The following CBL variants were observed in gnomAD, a reference collection of about 807,000 sequenced individuals.
CBL encodes the protein Cbl proto-oncogene, also known as E3 ubiquitin-protein ligase CBL.
In CBL, 45 loss-of-function variants were observed where a neutral mutation model predicts 96.9. That is an observed-to-expected ratio of 0.46 (90% confidence interval 0.37 to 0.60). CBL has a LOEUF of 0.60. CBL is among the 20% of genes least tolerant of loss of function. CBL has a pLI of 0.00. For missense variants in CBL, 1,024 were observed against 1,143.5 expected, an observed-to-expected ratio of 0.90 and a Z score of 1.51; for synonymous variants, 420 against 426.8, an observed-to-expected ratio of 0.98 and a Z score of 0.20.
In CBL at chr11:119,285,029, C is replaced by G; in HGVS notation, c.1492C>G (p.Pro498Ala). ...APQASLPPVP[P>A]RLDLLPQRVC... is the part of the protein sequence containing the mutation. ...ACAAGCTTCCCTTCCCCCGGTGCCA[C>G]CACGACTTGACCTTCTGCCGCAGCG... is the stretch of plus-strand genomic sequence containing the variant. The change falls in exon 10 of 16, where the codon CCA (proline) becomes GCA (alanine). Residue 498 changes from proline (P) to alanine (A), a missense_variant. By Grantham distance (27) the Pro-to-Ala change is conservative (BLOSUM62 -1). Around this residue, in one of 4 missense-constraint regions of CBL, gnomAD observed 695 missense variants for 661.6 expected, o/e 1.05. Coordinates refer to ENST00000264033, the MANE Select transcript of CBL (RefSeq NM_005188.4). The G allele has an allele frequency of 6.2e-7, 1 of 1,614,222 alleles. No individual in the cohort carries two copies. The highest frequency in any genetic ancestry group is 8.5e-7 in the Non-Finnish European group (1 of 1,180,036).
At chr11:119,249,573 TG>T (rs1343312974) in intron 2 of CBL, among the ~76,000 whole-genome samples, 1 of 148,352 alleles carries the variant, frequency 6.7e-6, no homozygotes, top group African/African-American at 2.5e-5. Flanking sequence ...AAAAATGCTG[TG>T]GGCACATTAT....
At chr11:119,264,421 C>CTCTTA (rs1949781957) in intron 2 of CBL, among the ~76,000 whole-genome samples, 1 of 124,098 alleles carries the variant, frequency 8.1e-6, no homozygotes, top group African/African-American at 3.2e-5. Context: ...CTCTTCTCTT[C>CTCTTA]TCTTCTCTTC....
rs2135310820 is a variant in CBL, at chr11:119,285,430, C to T, written c.1805C>T (p.Ala602Val). Residue 602 changes from alanine to valine, a missense_variant, in exon 11 of 16, where the codon GCC becomes GTC. Ala to Val is a moderately conservative substitution (Grantham distance 64, BLOSUM62 0). Transcript: ENST00000264033. ...CCAATCCCCAAAGTACCAGTATCTG[C>T]CCCAAGTTCCAGTGATCCCTGGACA... ...PRPIPKVPVS[A>V]PSSSDPWTGR... The T allele has an allele frequency of 6.2e-7, 1 of 1,614,184 alleles. No homozygotes were observed. Among genetic ancestry groups the T allele is most frequent in the Non-Finnish European group, 8.5e-7 (1 of 1,180,030 alleles).
intron 2 of CBL, among the ~76,000 whole-genome samples, chr11:119,264,295 C>T (rs559946097): frequency 6.6e-6 from 1 of 151,224 alleles, no homozygotes; most frequent in South Asian, 2.1e-4. Flanking sequence ...TGGCCTTCAG[C>T]CATCCTCCCA....
At chr11:119,236,327 C>T (rs550413922) in intron 2 of CBL, among the ~76,000 whole-genome samples, 5 of 151,976 alleles carry the variant, frequency 3.3e-5, no homozygotes, top group Admixed American at 2.0e-4. Context: ...AATCACATAA[C>T]GGTGGCCTTT....
Position 119,206,573 on chromosome 11 carries a change from C to T in CBL, c.156C>T (p.Asp52=). ...GCCCCCACCCGCCGGGGACGGTGGA[C>T]AAGAAGATGGTGGAGAAGTGCTGGA... The part of the protein sequence containing the change: ...HLSPHPPGTV[D]KKMVEKCWKL... Residue 52 remains aspartate, a synonymous_variant, in exon 1 of 16, where the codon GAC becomes GAT. Coordinates refer to ENST00000264033, the MANE Select transcript of CBL (RefSeq NM_005188.4). 1 of 1,549,290 alleles carries T rather than the reference C, an allele frequency of 6.5e-7. No homozygotes were observed.
intron 2 of CBL, among the ~76,000 whole-genome samples, chr11:119,252,467 C>T (rs1386393674): frequency 6.6e-6 from 1 of 152,098 alleles, no homozygotes; most frequent in African/African-American, 2.4e-5. Flanking sequence ...TTCCATTGTG[C>T]TTTCTGTTAA....
chr11:119,261,266 C>G (rs1949751823), intron 2 of CBL, among the ~76,000 whole-genome samples: 1 of 152,012 alleles, frequency 6.6e-6, no homozygotes, highest in African/African-American at 2.4e-5. Context: ...GTTTTTGTCC[C>G]TTTTAATAGT....
At chr11:119,279,356 C>CA (rs1307601674) in intron 9 of CBL, among the ~76,000 whole-genome samples, 1 of 151,076 alleles carries the variant, frequency 6.6e-6, no homozygotes, top group African/African-American at 2.4e-5. Flanking sequence ...CAAAACAAAA[C>CA]AAAAAAAAGC....
chr11:119,206,710 G>A (rs1380696538), intron 1 of CBL, 98 bp downstream of exon 1: 1 of 1,331,598 alleles, frequency 7.5e-7, no homozygotes, highest in Non-Finnish European at 1.0e-6. Flanking sequence ...GGAGGGGACG[G>A]GTCTGGTGAA....
At chr11:119,242,553 A>AAT (rs1949594880) in intron 2 of CBL, among the ~76,000 whole-genome samples, 2 of 150,426 alleles carry the variant, frequency 1.3e-5, no homozygotes, top group South Asian at 4.2e-4. Context: ...AAAAAAAAAA[A>AAT]AAAGACCAGC....
intron 11 of CBL, among the ~76,000 whole-genome samples, chr11:119,286,440 C>T (rs1949985101): frequency 6.6e-6 from 1 of 152,154 alleles, no homozygotes; most frequent in Admixed American, 6.5e-5. Flanking sequence ...CCAGATAGGG[C>T]AATCATGAGA....
Position 119,297,457 on chromosome 11 carries a change from T to C in CBL, c.2227T>C (p.Ser743Pro), listed in dbSNP as rs759665371. ...AMYNIQSQAP[S>P]ITESSTFGEG... ...GTATAATATTCAGTCCCAGGCGCCA[T>C]CTATCACCGAGAGCAGCACCTTTGG... Residue 743 changes from serine to proline, a missense_variant, in exon 14 of 16, where the codon TCT becomes CCT. Around this residue, in one of 4 missense-constraint regions of CBL, gnomAD observed 695 missense variants for 661.6 expected, o/e 1.05. Transcript: ENST00000264033. 19 of 1,612,838 alleles carry C rather than the reference T, an allele frequency of 1.2e-5. No individual in the cohort carries two copies. The highest frequency in any genetic ancestry group is 1.4e-5 in the Non-Finnish European group (17 of 1,179,350).
intron 12 of CBL, among the ~76,000 whole-genome samples, chr11:119,294,051 T>C (rs1950047476): frequency 6.6e-6 from 1 of 152,238 alleles, no homozygotes; most frequent in Non-Finnish European, 1.5e-5. Flanking sequence ...CTTCTTTCTT[T>C]TAAAGCATAT....
chr11:119,268,408 C>G (rs1949819594), intron 2 of CBL, among the ~76,000 whole-genome samples: 1 of 152,194 alleles, frequency 6.6e-6, no homozygotes, highest in Non-Finnish European at 1.5e-5. Flanking sequence ...TAAGAAGATT[C>G]TTCAGGTTTT....
At chr11:119,287,829 C>A in intron 11 of CBL, 23 bp from the exon 12 acceptor site, 1 of 1,512,110 alleles carries the variant, frequency 6.6e-7, no homozygotes, top group Non-Finnish European at 9.2e-7. Flanking sequence ...AGTTGTTTTT[C>A]AACACTTTTC....
At chr11:119,236,443 T>C (rs1356379388) in intron 2 of CBL, among the ~76,000 whole-genome samples, 3 of 152,138 alleles carry the variant, frequency 2.0e-5, no homozygotes, top group Admixed American at 1.3e-4. Context: ...AAGTCATATT[T>C]CAATGTATGG....
intron 1 of CBL, among the ~76,000 whole-genome samples, chr11:119,225,287 G>A (rs1214996467): frequency 6.6e-6 from 1 of 152,016 alleles, no homozygotes; most frequent in Non-Finnish European, 1.5e-5. Flanking sequence ...AGTAGAAACG[G>A]GGTTTCATCA....
intron 2 of CBL, among the ~76,000 whole-genome samples, chr11:119,254,243 T>C (rs1364912547): frequency 6.6e-6 from 1 of 152,200 alleles, no homozygotes; most frequent in Non-Finnish European, 1.5e-5. Context: ...ATAGTAAATT[T>C]TGGTAAGTAT....
Sources: gnomAD v4.1 joint callset for allele counts (sites outside exome capture counted in the v4.1 genomes callset) on GRCh38, gnomAD v4.1.1 for gene constraint, gnomAD v4.1.1 regional missense constraint, MANE v1.5 for transcripts, NCBI Gene and HGNC (gene_info 2026-07-23, HGNC 2026-07-21) for gene names.